SPAG16: variants seen among roughly 807,000 people sequenced by gnomAD.
SPAG16 encodes the protein sperm associated antigen 16, also known as sperm-associated antigen 16 protein.
A neutral mutation model predicts 80.4 loss-of-function variants in SPAG16; 86 were observed. The ratio of observed to expected loss-of-function variants is 1.07; its 90% CI spans 0.90 to 1.28. SPAG16 has a LOEUF of 1.28. Among genes scored for constraint, SPAG16 ranks in the 50% most tolerant of loss-of-function variants. SPAG16 has a pLI of 0.00. For synonymous variants in SPAG16, 294 were observed against 265.9 expected (o/e 1.11, Z -1.03); for missense variants, 870 against 765.3 (o/e 1.14, Z -1.61).
chr2:213,592,335 A>G (rs1383438106), intron 10 of SPAG16, among the ~76,000 whole-genome samples: 1 of 152,214 alleles, frequency 6.6e-6, no homozygotes, highest in Non-Finnish European at 1.5e-5. Flanking sequence ...TCTAGTGTTT[A>G]TTATATCTGT....
At chr2:213,817,382 T>C (rs2072620280) in intron 10 of SPAG16, among the ~76,000 whole-genome samples, 1 of 151,556 alleles carries the variant, frequency 6.6e-6, no homozygotes, top group Non-Finnish European at 1.5e-5. Context: ...TATACACTGT[T>C]AGTGGGAAAG....
chr2:213,695,700 T>C (rs2065127793), intron 10 of SPAG16, among the ~76,000 whole-genome samples: 2 of 152,168 alleles, frequency 1.3e-5, no homozygotes, highest in Non-Finnish European at 2.9e-5. Flanking sequence ...TGAGAAGACG[T>C]AGAGGAGAAG....
intron 12 of SPAG16, among the ~76,000 whole-genome samples, chr2:214,000,513 G>A (rs1030960205): frequency 8.6e-5 from 13 of 152,004 alleles, no homozygotes; most frequent in South Asian, 6.2e-4. Flanking sequence ...AAGATTTGTC[G>A]TTTCATTAAA....
chr2:214,315,795 G>A (rs974616228), intron 15 of SPAG16, among the ~76,000 whole-genome samples: 1 of 152,122 alleles, frequency 6.6e-6, no homozygotes, highest in Non-Finnish European at 1.5e-5. Context: ...GCCTCCCAAA[G>A]TGTTGGGATT....
intron 12 of SPAG16, among the ~76,000 whole-genome samples, chr2:213,992,783 T>C (rs1291329489): frequency 6.6e-6 from 1 of 152,190 alleles, no homozygotes; most frequent in Non-Finnish European, 1.5e-5. Flanking sequence ...ATTTCTATCA[T>C]GTGTAAATTG....
At chr2:214,385,493 C>A (rs1471460198) in intron 15 of SPAG16, among the ~76,000 whole-genome samples, 2 of 152,132 alleles carry the variant, frequency 1.3e-5, no homozygotes, top group African/African-American at 2.4e-5. Context: ...TTAACGAGTT[C>A]TTTATATAAA....
Position 213,292,536 on chromosome 2 carries a change from C to T in SPAG16, c.137-3528C>T, listed in dbSNP as rs1305363883. 1.6e-4 allele frequency among the ~76,000 whole-genome samples: 24 copies of T among 149,534 alleles called. 1 individual carries two copies. Among genetic ancestry groups the T allele is most frequent in the African/African-American group, 5.7e-4 (23 of 40,692 alleles). On this transcript the variant is annotated intron_variant, in intron 1 of 15. Transcript: ENST00000331683. ...AAAATTAGCCGGGCGTAGTGGCGGG[C>T]GCCTGTAGTCCCAGCTACTTGGGAG... is the stretch of plus-strand genomic sequence containing the variant.
intron 11 of SPAG16, among the ~76,000 whole-genome samples, chr2:213,898,967 G>C (rs2077104829): frequency 6.6e-6 from 1 of 152,110 alleles, no homozygotes; most frequent in Non-Finnish European, 1.5e-5. Flanking sequence ...ATAAGAAAGA[G>C]TATCTGTTGC....
At chr2:213,306,510 G>A (rs1021332585) in intron 3 of SPAG16, among the ~76,000 whole-genome samples, 6 of 148,688 alleles carry the variant, frequency 4.0e-5, no homozygotes, top group Non-Finnish European at 7.4e-5. Flanking sequence ...GCCCAGCATA[G>A]CATCATAACT....
Position 214,043,541 on chromosome 2 carries a change from G to A in SPAG16, c.1527+29464G>A, listed in dbSNP as rs150172615. Among the ~76,000 whole-genome samples, 568 of 152,014 alleles carry A rather than the reference G, an allele frequency of 3.7e-3. 2 individuals carry two copies. Among genetic ancestry groups the A allele is most frequent in the Non-Finnish European group, 5.0e-3 (338 of 67,962 alleles). On this transcript the variant is annotated intron_variant, in intron 13 of 15. Transcript: ENST00000331683. Reference sequence around the variant, plus strand: ...CTCTTTTGTATTTTTTTCTAAAACCGTGGGTATTAAATACATAATTGTCAG... The same window carrying A: ...CTCTTTTGTATTTTTTTCTAAAACCATGGGTATTAAATACATAATTGTCAG...
At chr2:213,677,927 C>G (rs1414341908) in intron 10 of SPAG16, among the ~76,000 whole-genome samples, 2 of 151,872 alleles carry the variant, frequency 1.3e-5, no homozygotes, top group South Asian at 4.2e-4. Flanking sequence ...TCTCTCAGAC[C>G]ACAGTGCAAT....
chr2:213,853,305 A>G (rs2074999227), intron 10 of SPAG16, among the ~76,000 whole-genome samples: 1 of 152,190 alleles, frequency 6.6e-6, no homozygotes, highest in Non-Finnish European at 1.5e-5. Flanking sequence ...GATAATTAAT[A>G]GTGTTCACCA....
intron 15 of SPAG16, among the ~76,000 whole-genome samples, chr2:214,371,547 A>AG (rs1459264024): frequency 6.6e-6 from 1 of 151,732 alleles, no homozygotes; most frequent in African/African-American, 2.4e-5. Flanking sequence ...AAAAAAAAAA[A>AG]AAATAGTATA....
At chr2:213,901,795 G>A (rs568630659) in intron 11 of SPAG16, among the ~76,000 whole-genome samples, 7 of 152,284 alleles carry the variant, frequency 4.6e-5, no homozygotes, top group Non-Finnish European at 8.8e-5. Flanking sequence ...TTTCTCAGTT[G>A]TATAAGCAGA....
chr2:214,176,331 A>G (rs1559106674), intron 15 of SPAG16, among the ~76,000 whole-genome samples: 1 of 151,326 alleles, frequency 6.6e-6, no homozygotes, highest in Non-Finnish European at 1.5e-5. Flanking sequence ...ATAGTCATCC[A>G]TAAAAATAAA....
intron 10 of SPAG16, among the ~76,000 whole-genome samples, chr2:213,701,879 C>T (rs2065440808): frequency 6.6e-6 from 1 of 152,060 alleles, no homozygotes; most frequent in Non-Finnish European, 1.5e-5. Flanking sequence ...CCAAGCAGCA[C>T]TCTGTGTCTA....
intron 10 of SPAG16, among the ~76,000 whole-genome samples, chr2:213,715,324 G>T (rs1023066984): frequency 2.8e-4 from 43 of 151,994 alleles, no homozygotes; most frequent in Middle Eastern, 3.4e-3. Flanking sequence ...ATGGAGGTGA[G>T]AAAACATTAA....
chr2:213,284,816 C>G, intron 1 of SPAG16, 197 bp downstream of exon 1: 1 of 738,672 alleles, frequency 1.4e-6, no homozygotes, highest in Non-Finnish European at 2.1e-6. Flanking sequence ...CTTAGTAGCC[C>G]AGGGTGTCCT....
chr2:214,374,571 G>A (rs1186182792), intron 15 of SPAG16, among the ~76,000 whole-genome samples: 9 of 152,074 alleles, frequency 5.9e-5, no homozygotes, highest in East Asian at 1.9e-4. Context: ...CAAATAGAAC[G>A]GAGTGAAGCA....
Sources: gnomAD v4.1 joint callset for allele counts (sites outside exome capture counted in the v4.1 genomes callset) on GRCh38, gnomAD v4.1.1 for gene constraint, MANE v1.5 for transcripts, NCBI Gene and HGNC (gene_info 2026-07-23, HGNC 2026-07-21) for gene names.